Variants in BAHCC1 observed in about 807,000 individuals in gnomAD.
The protein encoded by BAHCC1 is BAH domain and coiled-coil containing 1.
A neutral mutation model predicts 88.2 loss-of-function variants in BAHCC1; 43 were observed. That is an observed-to-expected ratio of 0.49 (90% CI 0.38 to 0.63). The LOEUF (loss-of-function observed/expected upper bound fraction) is 0.63, where lower values mean the gene tolerates loss of function less well. Among genes scored for constraint, BAHCC1 ranks in the 20% least tolerant of loss-of-function variants. The probability of loss-of-function intolerance (pLI) is 0.00; values close to 1 mark genes in which losing one functional copy is unlikely to be tolerated. For synonymous variants in BAHCC1, 1,510 were observed against 745.5 expected (o/e 2.03, Z -16.71); for missense variants, 3,023 against 1,654.8 (o/e 1.83, Z -14.34).
chr17:81,450,173 C>T (rs879953945), intron 11 of BAHCC1, among the ~76,000 whole-genome samples: 2 of 152,174 alleles, frequency 1.3e-5, no homozygotes, highest in Non-Finnish European at 1.5e-5. Context: ...GATACCAGCA[C>T]CTCTACTCAC....
At chr17:81,401,641 C>T (rs1181957310) in intron 2 of BAHCC1, 1 of 152,360 alleles carries the variant, frequency 6.6e-6, no homozygotes, top group African/African-American at 2.4e-5. Flanking sequence ...GGCTGGTGGC[C>T]CCCACTGGGG....
chr17:81,408,876 C>T (rs2063913290), intron 2 of BAHCC1, among the ~76,000 whole-genome samples: 1 of 152,202 alleles, frequency 6.6e-6, no homozygotes, highest in Admixed American at 6.5e-5. Context: ...CCTTCTGTCC[C>T]TTCCTATCCC....
intron 23 of BAHCC1, 105 bp from the exon 24 acceptor site, chr17:81,460,172 C>T (rs1395908773): frequency 4.5e-6 from 3 of 665,966 alleles, no homozygotes; most frequent in Non-Finnish European, 8.3e-6. Flanking sequence ...GAGCAGAACC[C>T]CAGAGCCCTC....
intron 3 of BAHCC1, among the ~76,000 whole-genome samples, chr17:81,433,378 G>C (rs933453354): frequency 6.6e-6 from 1 of 152,168 alleles, no homozygotes; most frequent in Non-Finnish European, 1.5e-5. Context: ...AGGCCCTTCC[G>C]GCCCTAGAGT....
intron 2 of BAHCC1, among the ~76,000 whole-genome samples, chr17:81,417,264 C>T (rs2064044509): frequency 6.6e-6 from 1 of 152,248 alleles, no homozygotes; most frequent in East Asian, 1.9e-4. Context: ...CATCCAGCTG[C>T]GGGGGGCGGC....
At chr17:81,417,070 A>G (rs1555648833) in intron 2 of BAHCC1, among the ~76,000 whole-genome samples, 3 of 152,214 alleles carry the variant, frequency 2.0e-5, no homozygotes, top group African/African-American at 7.2e-5. Flanking sequence ...GCCGGAGTGT[A>G]GGAGGGCAGG....
intron 4 of BAHCC1, among the ~76,000 whole-genome samples, chr17:81,440,614 G>A (rs543333771): frequency 9.8e-5 from 15 of 152,306 alleles, no homozygotes; most frequent in Non-Finnish European, 1.8e-4. Context: ...CCCCAGAGGC[G>A]GTGGCCTGGC....
intron 3 of BAHCC1, among the ~76,000 whole-genome samples, chr17:81,431,858 GAGCCAGGGACTT>G (rs1376898595): frequency 6.6e-6 from 1 of 152,166 alleles, no homozygotes; most frequent in Non-Finnish European, 1.5e-5. Flanking sequence ...TGCTCTCCAG[GAGCCAGGGACTT>G]AGCCAGGGAC....
rs557705851 is a variant in BAHCC1, at chr17:81,418,896, A to G, written c.179-7904A>G. Among the ~76,000 whole-genome samples the G allele has an allele frequency of 1.4e-4, 22 of 151,934 alleles. No homozygotes were observed. In the South Asian group the frequency reaches 4.6e-3, roughly 32 times the overall value. On this transcript the variant is annotated intron_variant, in intron 2 of 27. Coordinates refer to ENST00000675386, the MANE Select transcript of BAHCC1 (RefSeq NM_001377448.1). Reference sequence around the variant, plus strand: ...TGTGTACACCCATAGTCACGTGCATATGCCCAGAGACAGGTTTGCACAGAC... The same window carrying G: ...TGTGTACACCCATAGTCACGTGCATGTGCCCAGAGACAGGTTTGCACAGAC...
Position 81,459,112 on chromosome 17 carries a change from C to T in BAHCC1, c.5664C>T (p.Pro1888=), listed in dbSNP as rs1555658422. The change falls in exon 21 of 28, where the codon CCC becomes CCT. Residue 1888 remains proline (P), a synonymous_variant. Transcript: ENST00000675386. Reference sequence around the variant, plus strand: ...GGGACGGGCTGCCCGTGCTCATCCCCAAGGAGGATAGCCTGCTGTACGCGG... The same window carrying T: ...GGGACGGGCTGCCCGTGCTCATCCCTAAGGAGGATAGCCTGCTGTACGCGG... ...DLRDGLPVLI[P]KEDSLLYAGS... is the part of the protein sequence containing the mutation. The T allele has an allele frequency of 1.3e-6, 1 of 772,544 alleles. No homozygotes were observed. Among genetic ancestry groups the T allele is most frequent in the Non-Finnish European group, 2.4e-6 (1 of 414,996 alleles). 47.9% of individuals were successfully genotyped at this position (772,544 alleles called of 1,614,324 possible).
In BAHCC1 at chr17:81,435,950, G is replaced by A. The variant is rs2064329779; in HGVS notation, c.359-2420G>A. Among the ~76,000 whole-genome samples the A allele has an allele frequency of 6.6e-6, 1 of 152,132 alleles. No homozygotes were observed. The highest frequency in any genetic ancestry group is 2.4e-5 in the African/African-American group (1 of 41,422). On this transcript the variant is annotated intron_variant, in intron 3 of 27. Coordinates refer to ENST00000675386, the MANE Select transcript of BAHCC1 (RefSeq NM_001377448.1). The surrounding 1 kb of genome is among the most constrained non-coding windows in gnomAD (Gnocchi z 4.4). ...TTTTTAAATTTTCTTTCTCAGTTTT[G>A]AGAGTATGGTCTTATTGGGAAAAAG...
intron 2 of BAHCC1, among the ~76,000 whole-genome samples, chr17:81,425,394 GATA>G (rs2064172194): frequency 8.6e-6 from 1 of 116,602 alleles, no homozygotes. Flanking sequence ...GGTTGGTGGT[GATA>G]GTGGTGGGTG....
At position 81,461,557 on chromosome 17, in the gene BAHCC1, C is replaced by CGGGCCG; in HGVS notation, c.6899_6904dup (p.Pro2300_Gly2301dup). 1.4e-6 allele frequency: 1 copy of CGGGCCG among 722,984 alleles called. No individual in the cohort carries two copies. The highest frequency in any genetic ancestry group is 2.6e-6 in the Non-Finnish European group (1 of 388,180). 44.8% of individuals were successfully genotyped at this position (722,984 alleles called of 1,614,324 possible). ...GCTCCTTCTCGGACGAGGACGAGGACGGGCCGGGGCTGGCGGCCGGCGTGC... is the reference window on the plus strand; with the variant it reads ...GCTCCTTCTCGGACGAGGACGAGGACGGGCCGGGGCCGGGGCTGGCGGCCGGCGTGC... On this transcript the variant is annotated inframe_insertion, in exon 26 of 28. Coordinates refer to ENST00000675386, the MANE Select transcript of BAHCC1 (RefSeq NM_001377448.1).
At position 81,445,945 on chromosome 17, in the gene BAHCC1, C is replaced by T. The variant is rs530251616; in HGVS notation, c.3163+264C>T. 1.0e-3 allele frequency among the ~76,000 whole-genome samples: 156 copies of T among 152,356 alleles called. 1 individual carries two copies. In the South Asian group the frequency reaches 0.017, roughly 16 times the overall value. ...AGGAAGACGGGGTCCCGCTGGCTGTCGTAGGGGCCCTCCAGCAATGAAGGC... is the reference window on the plus strand; with the variant it reads ...AGGAAGACGGGGTCCCGCTGGCTGTTGTAGGGGCCCTCCAGCAATGAAGGC... On this transcript the variant is annotated intron_variant, in intron 10 of 27. Transcript: ENST00000675386.
In BAHCC1 at chr17:81,445,695, C is replaced by G. The variant is rs1376717843; in HGVS notation, c.3163+14C>G. On this transcript the variant is annotated intron_variant, in intron 10 of 27. Coordinates refer to ENST00000675386, the MANE Select transcript of BAHCC1 (RefSeq NM_001377448.1). ...CATCCGAACCAGGTGAGAGTAGCCG[C>G]CTGGCCCGGCCCACTGTGCTCCGCT... is the stretch of plus-strand genomic sequence containing the variant. 2 of 719,816 alleles carry G rather than the reference C, an allele frequency of 2.8e-6. No individual in the cohort carries two copies. The highest frequency in any genetic ancestry group is 5.2e-6 in the Non-Finnish European group (2 of 386,930). 44.6% of individuals were successfully genotyped at this position (719,816 alleles called of 1,614,324 possible). A position where few individuals can be genotyped will look rare whatever the true frequency, so the allele number is the denominator to read the frequency against.
intron 16 of BAHCC1, among the ~76,000 whole-genome samples, chr17:81,457,035 A>G (rs1555657493): frequency 6.6e-6 from 1 of 152,102 alleles, no homozygotes; most frequent in Non-Finnish European, 1.5e-5. Flanking sequence ...CCAAGGTCTC[A>G]GATGCCTGAG....
chr17:81,442,301 G>A lies in BAHCC1; in HGVS notation c.952G>A (p.Gly318Arg), dbSNP rs575512055. Residue 318 changes from glycine (G) to arginine (R), a missense_variant, in exon 5 of 28, where the codon GGG becomes AGG. Coordinates refer to ENST00000675386, the MANE Select transcript of BAHCC1 (RefSeq NM_001377448.1). ...GCCTGGCACGGGGGTGGTGACCTCC[G>A]GGCGCTGTGCAAAGGAGGCAGCAGG... is the stretch of plus-strand genomic sequence containing the variant. ...GRPGTGVVTS[G>R]RCAKEAAGPP... 3.9e-4 allele frequency: 256 copies of A among 649,570 alleles called. 5 individuals are homozygous for A. The South Asian group carries it at 4.0e-3, about 10-fold the overall frequency. The allele number at this position is 649,570 out of a possible 1,614,324, so 40.2% of individuals were successfully genotyped here. A position where few individuals can be genotyped will look rare whatever the true frequency, so the allele number is the denominator to read the frequency against.
In BAHCC1 at chr17:81,444,738, C is replaced by T. The variant is rs782774777; in HGVS notation, c.2583C>T (p.Pro861=). 2.6e-6 allele frequency: 2 copies of T among 778,644 alleles called. No homozygotes were observed. The highest frequency in any genetic ancestry group is 2.4e-6 in the Non-Finnish European group (1 of 417,674). The allele number at this position is 778,644 out of a possible 1,614,324, so 48.2% of individuals were successfully genotyped here. Residue 861 remains proline, a synonymous_variant, in exon 8 of 28, where the codon CCC becomes CCT. Transcript: ENST00000675386. ...GFPASVAGPV[P]SVFPLPQDAP... is the part of the protein sequence containing the mutation. ...CCGCCTCCGTGGCTGGCCCTGTGCCCTCTGTCTTCCCCCTCCCACAGGACG... is the reference window on the plus strand; with the variant it reads ...CCGCCTCCGTGGCTGGCCCTGTGCCTTCTGTCTTCCCCCTCCCACAGGACG...
At position 81,399,564 on chromosome 17, in the gene BAHCC1, G is replaced by A; in HGVS notation, c.-176G>A. The A allele has an allele frequency of 7.6e-6, 3 of 394,362 alleles. No individual in the cohort carries two copies. Among genetic ancestry groups the A allele is most frequent in the South Asian group, 1.8e-5 (1 of 55,428 alleles). 24.4% of individuals were successfully genotyped at this position (394,362 alleles called of 1,614,324 possible). A position where few individuals can be genotyped will look rare whatever the true frequency, so the allele number is the denominator to read the frequency against. On this transcript the variant is annotated 5_prime_UTR_variant, in exon 2 of 28. Transcript: ENST00000675386. This position sits in a 1 kb window ranked among gnomAD's most constrained non-coding sequence, Gnocchi z 4.5. ...GGACCCGCACAGCGGCCGCTGGCTC[G>A]GTGCGCGGCCGCCCGCCGAGAAGCC...
Sources: gnomAD v4.1 joint callset for allele counts (sites outside exome capture counted in the v4.1 genomes callset) on GRCh38, gnomAD v4.1.1 for gene constraint, Gnocchi (gnomAD v3.1) non-coding constraint, MANE v1.5 for transcripts, NCBI Gene and HGNC (gene_info 2026-07-23, HGNC 2026-07-21) for gene names.